The following ANKRD53 variants were observed in gnomAD, a reference collection of about 807,000 sequenced individuals.
ANKRD53 encodes the protein ankyrin repeat domain-containing protein 53.
Under a neutral mutation model 30.1 loss-of-function variants are expected in ANKRD53, and 27 were observed. The observed-to-expected ratio is 0.90, with a 90% CI of 0.66 to 1.24. The LOEUF is 1.24. Among genes scored for constraint, ANKRD53 ranks in the 50% most tolerant of loss-of-function variants. The pLI is 0.00. For synonymous variants in ANKRD53, 286 were observed against 295.4 expected, an observed-to-expected ratio of 0.97 and a Z score of 0.33; for missense variants, 682 against 721.0, an observed-to-expected ratio of 0.95 and a Z score of 0.62.
At position 70,984,890 on chromosome 2, in the gene ANKRD53, C is replaced by A; in HGVS notation, c.1183C>A (p.Pro395Thr). ...GAATGTTAGCAACAACCCCGCCAGACCCCCCACCACCCAGATCAGCCACTC... is the reference window on the plus strand; with the variant it reads ...GAATGTTAGCAACAACCCCGCCAGAACCCCCACCACCCAGATCAGCCACTC... ...MWNVSNNPARPPTTQISHSQG... is the reference protein window; with the variant it reads ...MWNVSNNPARTPTTQISHSQG... Residue 395 changes from proline (P) to threonine (T), a missense_variant, in exon 6 of 6, where the codon CCC becomes ACC. Pro to Thr is a conservative substitution (Grantham distance 38). Coordinates refer to ENST00000360589, the MANE Select transcript of ANKRD53 (RefSeq NM_001115116.2). 6.5e-7 allele frequency: 1 copy of A among 1,547,890 alleles called. No homozygotes were observed. The highest frequency in any genetic ancestry group is 1.4e-5 in the African/African-American group (1 of 73,086).
chr2:70,979,347 A>C lies in ANKRD53; in HGVS notation c.417+4A>C. On this transcript the variant is annotated splice_donor_region_variant and intron_variant, in intron 2 of 5. Coordinates refer to ENST00000360589, the MANE Select transcript of ANKRD53 (RefSeq NM_001115116.2). ...GGAAATCCCCACCGACGACAAGGTA[A>C]GGTCTTGAGTGTTGGGGCAAAGACC... 1 of 1,613,444 alleles carries C rather than the reference A, an allele frequency of 6.2e-7. No individual in the cohort carries two copies. Among genetic ancestry groups the C allele is most frequent in the Non-Finnish European group, 8.5e-7 (1 of 1,179,980 alleles).
In ANKRD53 at chr2:70,979,286, G is replaced by C. The variant is rs782498592; in HGVS notation, c.360G>C (p.Val120=). The C allele has an allele frequency of 1.2e-6, 2 of 1,613,580 alleles. No individual in the cohort carries two copies. The highest frequency in any genetic ancestry group is 2.7e-5 in the African/African-American group (2 of 74,946). ...YQLFAAAVGN[V]EWLRFCLNQS... ...TGTTCGCAGCGGCTGTGGGCAACGT[G>C]GAATGGCTGCGATTCTGTCTGAACC... The change falls in exon 2 of 6, where the codon GTG becomes GTC. Residue 120 remains valine, a synonymous_variant. Coordinates refer to ENST00000360589, the MANE Select transcript of ANKRD53 (RefSeq NM_001115116.2).
At chr2:70,984,249 T>G in intron 5 of ANKRD53, 1 of 1,614,234 alleles carries the variant, frequency 6.2e-7, no homozygotes, top group Non-Finnish European at 8.5e-7. Flanking sequence ...ATTGTCTTTC[T>G]GTAAGACTTG....
chr2:70,984,716 G>T lies in ANKRD53; in HGVS notation c.1009G>T (p.Ala337Ser). Reference protein sequence around the residue: ...VSNTKQARATALSKTPEQRES... With the variant: ...VSNTKQARATSLSKTPEQRES... ...CAATACCAAGCAAGCCCGGGCCACC[G>T]CCCTCTCCAAGACCCCAGAGCAACG... Residue 337 changes from alanine (A) to serine (S), a missense_variant, in exon 6 of 6, where the codon GCC (alanine) becomes TCC (serine). Transcript: ENST00000360589. 6.2e-7 allele frequency: 1 copy of T among 1,610,960 alleles called. No homozygotes were observed. Among genetic ancestry groups the T allele is most frequent in the African/African-American group, 1.3e-5 (1 of 74,976 alleles).
chr2:70,982,166 G>C lies in ANKRD53; in HGVS notation c.782+66G>C. The C allele has an allele frequency of 2.0e-6, 3 of 1,515,496 alleles. No individual in the cohort carries two copies. The highest frequency in any genetic ancestry group is 2.7e-6 in the Non-Finnish European group (3 of 1,126,866). 93.9% of individuals were successfully genotyped at this position (1,515,496 alleles called of 1,614,324 possible). On this transcript the variant is annotated intron_variant, in intron 4 of 5. Transcript: ENST00000360589. This position sits in a 1 kb window ranked among gnomAD's most constrained non-coding sequence, Gnocchi z 4.2. Reference sequence around the variant, plus strand: ...CCCCTCCCCCAGCCTTTTCCCTAGGGCCCTCACCACAGCTGAGCCTTTAAG... The same window carrying C: ...CCCCTCCCCCAGCCTTTTCCCTAGGCCCCTCACCACAGCTGAGCCTTTAAG...
In ANKRD53 at chr2:70,982,103, G is replaced by T. The variant is rs782175721; in HGVS notation, c.782+3G>T. The T allele has an allele frequency of 1.9e-6, 3 of 1,598,658 alleles. No individual in the cohort carries two copies. Among genetic ancestry groups the T allele is most frequent in the South Asian group, 2.3e-5 (2 of 88,410 alleles). The stretch of plus-strand genomic sequence containing the variant: ...TGGAACCACCGTGCCTGTGCCCGGT[G>T]AGAGTGTGAGAACCACCTGGAGCCT... On this transcript the variant is annotated splice_donor_region_variant and intron_variant, in intron 4 of 5. Transcript: ENST00000360589. The surrounding 1 kb of genome is among the most constrained non-coding windows in gnomAD (Gnocchi z 4.2).
rs1345117033 is a variant in ANKRD53, at chr2:70,985,367, T to C, written c.*67T>C. 21 of 1,437,200 alleles carry C rather than the reference T, an allele frequency of 1.5e-5. No individual in the cohort carries two copies. Among genetic ancestry groups the C allele is most frequent in the Non-Finnish European group, 1.9e-5 (20 of 1,063,408 alleles). The allele number at this position is 1,437,200 out of a possible 1,614,324, so 89.0% of individuals were successfully genotyped here. On this transcript the variant is annotated 3_prime_UTR_variant, in exon 6 of 6. Coordinates refer to ENST00000360589, the MANE Select transcript of ANKRD53 (RefSeq NM_001115116.2). The stretch of plus-strand genomic sequence containing the variant: ...GGCTGAAGTGTGGCAATTCACGTTG[T>C]GGGTGGCGAGGAAAGGGGGAGGGGT...
intron 3 of ANKRD53, among the ~76,000 whole-genome samples, chr2:70,980,750 C>G (rs1553423501): frequency 2.0e-5 from 3 of 152,114 alleles, no homozygotes; most frequent in African/African-American, 7.2e-5. Flanking sequence ...TCAAGAACAT[C>G]CTGGCTAACA....
chr2:70,982,247 G>T lies in ANKRD53; in HGVS notation c.782+147G>T. On this transcript the variant is annotated intron_variant, in intron 4 of 5. Transcript: ENST00000360589. This position sits in a 1 kb window ranked among gnomAD's most constrained non-coding sequence, Gnocchi z 4.2. The stretch of plus-strand genomic sequence containing the variant: ...ATGCGCCTACTGCCCAGGATATTTT[G>T]GATGAGGCAATCACCTCATCACCTG... 1 of 1,011,790 alleles carries T rather than the reference G, an allele frequency of 9.9e-7. No individual in the cohort carries two copies. Among genetic ancestry groups the T allele is most frequent in the Non-Finnish European group, 1.4e-6 (1 of 713,102 alleles). The allele number at this position is 1,011,790 out of a possible 1,614,324, so 62.7% of individuals were successfully genotyped here.
rs1051846361 is a variant in ANKRD53, at chr2:70,982,116, C to A, written c.782+16C>A. ...CCTGTGCCCGGTGAGAGTGTGAGAA[C>A]CACCTGGAGCCTGCCCACCCCCTTC... On this transcript the variant is annotated intron_variant, in intron 4 of 5. Coordinates refer to ENST00000360589, the MANE Select transcript of ANKRD53 (RefSeq NM_001115116.2). The surrounding 1 kb of genome is among the most constrained non-coding windows in gnomAD (Gnocchi z 4.2). 3 of 1,583,760 alleles carry A rather than the reference C, an allele frequency of 1.9e-6. No individual in the cohort carries two copies. The Admixed American group carries it at 5.2e-5, about 27-fold the overall frequency.
chr2:70,982,348 T>C lies in ANKRD53; in HGVS notation c.783-229T>C. 1.4e-6 allele frequency: 1 copy of C among 726,786 alleles called. No individual in the cohort carries two copies. The allele number at this position is 726,786 out of a possible 1,614,324, so 45.0% of individuals were successfully genotyped here. A position where few individuals can be genotyped will look rare whatever the true frequency, so the allele number is the denominator to read the frequency against. ...CCCTCCTTTCCTGCCCTGGGGCCCCTGGCTCCTCAGCAGGAGGGTGGTGAC... is the reference window on the plus strand; with the variant it reads ...CCCTCCTTTCCTGCCCTGGGGCCCCCGGCTCCTCAGCAGGAGGGTGGTGAC... On this transcript the variant is annotated intron_variant, in intron 4 of 5. Coordinates refer to ENST00000360589, the MANE Select transcript of ANKRD53 (RefSeq NM_001115116.2). This position sits in a 1 kb window ranked among gnomAD's most constrained non-coding sequence, Gnocchi z 4.2.
chr2:70,981,566 G>A (rs887742170), intron 3 of ANKRD53, among the ~76,000 whole-genome samples: 45 of 150,840 alleles, frequency 3.0e-4, no homozygotes, highest in African/African-American at 1.0e-3. Flanking sequence ...GGATAAGATC[G>A]AGGAGGTTAG....
intron 3 of ANKRD53, among the ~76,000 whole-genome samples, chr2:70,980,957 T>A (rs952140112): frequency 6.6e-6 from 1 of 151,452 alleles, no homozygotes; most frequent in African/African-American, 2.4e-5. Context: ...AAAAAAAAAA[T>A]TAAAAAATAT....
In ANKRD53 at chr2:70,985,056, T is replaced by C. The variant is rs1025170524; in HGVS notation, c.1349T>C (p.Leu450Pro). 35 of 1,550,144 alleles carry C rather than the reference T, an allele frequency of 2.3e-5. No homozygotes were observed. Among genetic ancestry groups the C allele is most frequent in the Non-Finnish European group, 2.6e-5 (30 of 1,147,008 alleles). The stretch of plus-strand genomic sequence containing the variant: ...CACTGGGTGGCGCCCGTGCCGCGGC[T>C]GCCTTTTGAGGTGCTGCTGCGCATG... ...DGHWVAPVPR[L>P]PFEVLLRMLY... The change falls in exon 6 of 6, where the codon CTG becomes CCG. Residue 450 changes from leucine (L) to proline (P), a missense_variant. Physicochemically the swap from Leu to Pro is moderately conservative, Grantham distance 98. Coordinates refer to ENST00000360589, the MANE Select transcript of ANKRD53 (RefSeq NM_001115116.2).
intron 5 of ANKRD53, chr2:70,983,995 T>A (rs1670091948): frequency 2.5e-6 from 2 of 803,548 alleles, no homozygotes; most frequent in Admixed American, 2.1e-5. Context: ...AGAGCTAGAT[T>A]GAGTTGCTGC....
In ANKRD53 at chr2:70,978,723, T is replaced by C; in HGVS notation, c.78T>C (p.Ala26=). Residue 26 remains alanine, a synonymous_variant, in exon 1 of 6, where the codon GCT becomes GCC. Transcript: ENST00000360589. This position sits in a 1 kb window ranked among gnomAD's most constrained non-coding sequence, Gnocchi z 4.3. ...CAGAAAGGGGAGAAGGGAGAGGTGC[T>C]CGGCCGCAGCCAACTCCAAGTGGCT... ...WHSERGEGRG[A]RPQPTPSGSM... 6.4e-7 allele frequency: 1 copy of C among 1,552,438 alleles called. No homozygotes were observed. The highest frequency in any genetic ancestry group is 8.7e-7 in the Non-Finnish European group (1 of 1,148,168).
chr2:70,980,703 T>C (rs1669982562), intron 3 of ANKRD53, among the ~76,000 whole-genome samples: 1 of 152,084 alleles, frequency 6.6e-6, no homozygotes, highest in Non-Finnish European at 1.5e-5. Flanking sequence ...CCCAGCACTT[T>C]GGGAGGCTGG....
intron 3 of ANKRD53, among the ~76,000 whole-genome samples, chr2:70,980,688 G>C (rs1572933799): frequency 6.6e-6 from 1 of 152,194 alleles, no homozygotes; most frequent in East Asian, 1.9e-4. Flanking sequence ...GCTCACGCCT[G>C]TAATCCCAGC....
chr2:70,984,748 G>A lies in ANKRD53; in HGVS notation c.1041G>A (p.Ser347=), dbSNP rs782367004. Residue 347 remains serine, a synonymous_variant, in exon 6 of 6, where the codon TCG becomes TCA. Coordinates refer to ENST00000360589, the MANE Select transcript of ANKRD53 (RefSeq NM_001115116.2). ...CCAAGACCCCAGAGCAACGGGAATC[G>A]CAGCGTTCCAGGAGCTTCCACCCCT... ...ALSKTPEQRE[S]QRSRSFHPSV... The A allele has an allele frequency of 3.8e-5, 61 of 1,593,786 alleles. No individual in the cohort carries two copies. Among genetic ancestry groups the A allele is most frequent in the Middle Eastern group, 1.7e-4 (1 of 6,054 alleles).
Sources: allele counts gnomAD v4.1 joint callset (sites outside exome capture counted in the v4.1 genomes callset), GRCh38; gene constraint gnomAD v4.1.1; non-coding constraint Gnocchi (gnomAD v3.1); transcripts MANE v1.5; gene names NCBI Gene and HGNC (gene_info 2026-07-23, HGNC 2026-07-21).